Variants in TIA1 observed in about 807,000 individuals in gnomAD.
The protein encoded by TIA1 is cytotoxic granule associated RNA binding protein TIA1.
Under a neutral mutation model 65.9 loss-of-function variants are expected in TIA1, and 23 were observed. That is an observed-to-expected ratio of 0.35 (90% CI 0.25 to 0.49). TIA1 has a LOEUF of 0.49. Among genes scored for constraint, TIA1 ranks in the 20% least tolerant of loss-of-function variants. The pLI, the probability that TIA1 is intolerant of heterozygous loss-of-function variation, is 0.98. For synonymous variants in TIA1, 147 were observed against 149.4 expected (o/e 0.98, Z 0.12); for missense variants, 371 against 477.9 (o/e 0.78, Z 2.09).
chr2:70,229,889 G>A (rs1476054735), intron 3 of TIA1, among the ~76,000 whole-genome samples: 1 of 151,640 alleles, frequency 6.6e-6, no homozygotes, highest in Non-Finnish European at 1.5e-5. Context: ...AGTGAGCCAA[G>A]ATGGTGCCAC....
At chr2:70,216,840 T>C in intron 8 of TIA1, 46 bp downstream of exon 8, 1 of 1,613,348 alleles carries the variant, frequency 6.2e-7, no homozygotes, top group Non-Finnish European at 8.5e-7. Flanking sequence ...TCTAGCGTAT[T>C]TTTCTCCAAA....
At chr2:70,224,811 T>G in intron 6 of TIA1, 182 bp from the exon 7 acceptor site, 1 of 1,385,448 alleles carries the variant, frequency 7.2e-7, no homozygotes, top group Non-Finnish European at 9.4e-7. Flanking sequence ...TTTATAGACA[T>G]GCAAATCAAT....
rs1678592833 is a variant in TIA1, at chr2:70,216,250, A to G, written c.722T>C (p.Met241Thr). ...RQTFSPFGQI[M>T]EIRVFPDKGY... ...TTTATCTGGAAAGACTCGAATTTCC[A>G]TTATTTGTCCAAATGGTGAAAAAGT... The change falls in exon 10 of 13, where the codon ATG becomes ACG. Residue 241 changes from methionine (M) to threonine (T), a missense_variant. Transcript: ENST00000433529. 9 of 1,592,598 alleles carry G rather than the reference A, an allele frequency of 5.7e-6. No homozygotes were observed. Among genetic ancestry groups the G allele is most frequent in the African/African-American group, 1.4e-5 (1 of 73,382 alleles).
chr2:70,246,929 A>C (rs1490063886), intron 1 of TIA1, among the ~76,000 whole-genome samples: 4 of 152,170 alleles, frequency 2.6e-5, no homozygotes, highest in Non-Finnish European at 4.4e-5. Flanking sequence ...TTAAAAAGTT[A>C]AAAAGTTAAG....
At chr2:70,231,084 G>A (rs1210251816) in intron 2 of TIA1, among the ~76,000 whole-genome samples, 1 of 152,108 alleles carries the variant, frequency 6.6e-6, no homozygotes, top group Non-Finnish European at 1.5e-5. Context: ...TGGATCATGA[G>A]GTCAGCAGTT....
rs565646845 is a variant in TIA1 at position 70,224,921 on chromosome 2, T to A, written c.399-292A>T. ...TATTAAGCATGGTGAAAGCAGCTAC[T>A]CACATGAACTACTTAACCACTTATA... On this transcript the variant is annotated intron_variant, in intron 6 of 12. Transcript: ENST00000433529. 62 of 1,122,010 alleles carry A rather than the reference T, an allele frequency of 5.5e-5. No homozygotes were observed. In the African/African-American group the frequency reaches 9.8e-4, roughly 18 times the overall value. The allele number at this position is 1,122,010 out of a possible 1,614,324, so 69.5% of individuals were successfully genotyped here.
chr2:70,221,470 CA>C (rs112906228), intron 7 of TIA1, among the ~76,000 whole-genome samples: 13 of 143,746 alleles, frequency 9.0e-5, no homozygotes, highest in Middle Eastern at 3.5e-3. Context: ...ACCCTCTCTC[CA>C]AAAAAAAAAG....
intron 1 of TIA1, among the ~76,000 whole-genome samples, chr2:70,245,054 C>T (rs868767728): frequency 6.6e-6 from 1 of 151,986 alleles, no homozygotes; most frequent in East Asian, 1.9e-4. Context: ...GGCGTGATCT[C>T]GGCTCACTGC....
At chr2:70,225,260 A>T in intron 6 of TIA1, 1 of 1,176,752 alleles carries the variant, frequency 8.5e-7, no homozygotes, top group Non-Finnish European at 1.1e-6. Flanking sequence ...ATTCATATAA[A>T]ATTGATTGGA....
At chr2:70,218,392 A>C (rs1184616245) in intron 7 of TIA1, among the ~76,000 whole-genome samples, 1 of 152,222 alleles carries the variant, frequency 6.6e-6, no homozygotes, top group Non-Finnish European at 1.5e-5. Context: ...ATGAAACTGA[A>C]AGATTTTAAG....
chr2:70,229,094 G>A lies in TIA1; in HGVS notation c.278-3C>T. On this transcript the variant is annotated splice_polypyrimidine_tract_variant and splice_region_variant and intron_variant, in intron 4 of 12. Coordinates refer to ENST00000433529, the MANE Select transcript of TIA1 (RefSeq NM_022173.4). ...CTGTGTGCTGACAACGGTACTACCT[G>A]ATGACAAAGATTAGATTTGTTCTTA... 3 of 1,613,496 alleles carry A rather than the reference G, an allele frequency of 1.9e-6. No individual in the cohort carries two copies. Among genetic ancestry groups the A allele is most frequent in the Non-Finnish European group, 2.5e-6 (3 of 1,179,786 alleles).
At chr2:70,230,012 G>A (rs2104429722) in intron 3 of TIA1, among the ~76,000 whole-genome samples, 1 of 151,758 alleles carries the variant, frequency 6.6e-6, no homozygotes, top group South Asian at 2.1e-4. Context: ...GCCGAGACGG[G>A]CAGATCGGAT....
Sources: allele counts gnomAD v4.1 joint callset (sites outside exome capture counted in the v4.1 genomes callset), GRCh38; gene constraint gnomAD v4.1.1; transcripts MANE v1.5; gene names NCBI Gene and HGNC (gene_info 2026-07-23, HGNC 2026-07-21).